Variants in FIGNL2 observed in about 807,000 individuals in gnomAD.
FIGNL2 encodes fidgetin like 2.
For synonymous variants in FIGNL2, 565 were observed against 484.0 expected (o/e 1.17, Z -2.20); for missense variants, 1,060 against 950.2 (o/e 1.12, Z -1.52).
At chr12:51,838,449 G>C (rs898342370) in intron 1 of FIGNL2, among the ~76,000 whole-genome samples, 1 of 152,180 alleles carries the variant, frequency 6.6e-6, no homozygotes, top group Non-Finnish European at 1.5e-5. Flanking sequence ...GGTGTCTGAA[G>C]GGCAACCTGA....
intron 1 of FIGNL2, among the ~76,000 whole-genome samples, chr12:51,843,235 A>G (rs771533426): frequency 6.6e-6 from 1 of 152,190 alleles, no homozygotes; most frequent in Non-Finnish European, 1.5e-5. Context: ...TAGGTGCTCA[A>G]CACAGGTTTG....
chr12:51,829,748 C>T (rs1430657491), intron 1 of FIGNL2, among the ~76,000 whole-genome samples: 2 of 149,146 alleles, frequency 1.3e-5, no homozygotes, highest in African/African-American at 5.0e-5. Flanking sequence ...AAAGTGTTTC[C>T]TCAGAAAGGA....
chr12:51,821,040 G>T lies in FIGNL2; in HGVS notation c.1374C>A (p.Gly458=). The T allele has an allele frequency of 8.4e-7, 1 of 1,190,136 alleles. No homozygotes were observed. Among genetic ancestry groups the T allele is most frequent in the Non-Finnish European group, 1.0e-6 (1 of 963,150 alleles). 73.7% of individuals were successfully genotyped at this position (1,190,136 alleles called of 1,614,324 possible). A position where few individuals can be genotyped will look rare whatever the true frequency, so the allele number is the denominator to read the frequency against. ...QLGATLLRLR[G]ATLAAPGAAE... is the part of the protein sequence containing the mutation. ...CGGCGCCGGGCGCAGCCAGGGTCGC[G>T]CCGCGCAGGCGCAACAGCGTGGCGC... Residue 458 remains glycine, a synonymous_variant, in exon 2 of 2, where the codon GGC becomes GGA. Transcript: ENST00000618634.
chr12:51,827,073 C>T (rs538188820), intron 1 of FIGNL2, among the ~76,000 whole-genome samples: 45 of 152,366 alleles, frequency 3.0e-4, no homozygotes, highest in African/African-American at 9.9e-4. Flanking sequence ...AAAATGCTGT[C>T]TCCCTGCCCC....
At chr12:51,847,812 T>C (rs1939784707) in intron 1 of FIGNL2, 1 of 985,120 alleles carries the variant, frequency 1.0e-6, no homozygotes, top group South Asian at 4.7e-5. Context: ...AGGAGAGGGC[T>C]CTTGCGGTGG....
chr12:51,848,507 C>A lies in FIGNL2; in HGVS notation c.-12+33G>T, dbSNP rs374507545. The stretch of plus-strand genomic sequence containing the variant: ...ACCCTGACCGAACGGTCACCTCCCC[C>A]CGCCCCATCCCGGCCCGCCCGCGGC... On this transcript the variant is annotated intron_variant, in intron 1 of 1. Transcript: ENST00000618634. 194 of 983,944 alleles carry A rather than the reference C, an allele frequency of 2.0e-4. No homozygotes were observed. The East Asian group carries it at 0.016, about 83-fold the overall frequency. The allele number at this position is 983,944 out of a possible 1,614,324, so 61.0% of individuals were successfully genotyped here.
intron 1 of FIGNL2, among the ~76,000 whole-genome samples, chr12:51,824,769 C>T (rs1592186858): frequency 6.6e-6 from 1 of 152,238 alleles, no homozygotes; most frequent in Non-Finnish European, 1.5e-5. Context: ...ATTGGCCAGG[C>T]TCAGTGGCTC....
chr12:51,847,783 G>A, intron 1 of FIGNL2: 2 of 985,380 alleles, frequency 2.0e-6, no homozygotes, highest in Non-Finnish European at 2.4e-6. Context: ...TTGCTAGCAT[G>A]CGAATCTCTG....
intron 1 of FIGNL2, among the ~76,000 whole-genome samples, chr12:51,834,090 C>CAGACGGATGGGTGGATGGTTGGATGGAT: frequency 7.5e-6 from 1 of 132,688 alleles, no homozygotes; most frequent in Non-Finnish European, 1.6e-5. Flanking sequence ...GACAGACAGA[C>CAGACGGATGGGTGGATGGTTGGATGGAT]GGATGGGTGG....
chr12:51,829,622 A>G (rs1939412246), intron 1 of FIGNL2, among the ~76,000 whole-genome samples: 1 of 152,142 alleles, frequency 6.6e-6, no homozygotes, highest in African/African-American at 2.4e-5. Flanking sequence ...TCCTTCCATG[A>G]TACCTTGAGT....
rs2138973176 is a variant in FIGNL2 at position 51,822,251 on chromosome 12, T to G, written c.163A>C (p.Thr55Pro). 1 of 1,611,262 alleles carries G rather than the reference T, an allele frequency of 6.2e-7. No homozygotes were observed. The highest frequency in any genetic ancestry group is 2.2e-5 in the East Asian group (1 of 44,786). ...TAGCGCTTTAGGAGGTTGGAGGCAG[T>G]GAGGGCTGAGATGTCGTCGTGTGCC... Reference protein sequence around the residue: ...AWAHDDISALTASNLLKRYAE... With the variant: ...AWAHDDISALPASNLLKRYAE... Residue 55 changes from threonine (T) to proline (P), a missense_variant, in exon 2 of 2, where the codon ACT becomes CCT. By Grantham distance (38) the Thr-to-Pro change is conservative. Coordinates refer to ENST00000618634, the MANE Select transcript of FIGNL2 (RefSeq NM_001384995.1).
In FIGNL2 at chr12:51,821,852, G is replaced by T. The variant is rs1592184814; in HGVS notation, c.562C>A (p.Leu188Met). 2.3e-6 allele frequency: 3 copies of T among 1,293,648 alleles called. No individual in the cohort carries two copies. The highest frequency in any genetic ancestry group is 2.9e-6 in the Non-Finnish European group (3 of 1,023,970). The allele number at this position is 1,293,648 out of a possible 1,614,324, so 80.1% of individuals were successfully genotyped here. The change falls in exon 2 of 2, where the codon CTG becomes ATG. Residue 188 changes from leucine (L) to methionine (M), a missense_variant. Coordinates refer to ENST00000618634, the MANE Select transcript of FIGNL2 (RefSeq NM_001384995.1). Reference sequence around the variant, plus strand: ...TACCCCGGAGGCGGTGGGGGCTGCAGGAGCGCGGCCGGGGGCGGCGGGGGC... The same window carrying T: ...TACCCCGGAGGCGGTGGGGGCTGCATGAGCGCGGCCGGGGGCGGCGGGGGC... ...ALPPPPPAAL[L>M]QPPPPPGYGP...
At chr12:51,831,282 T>C (rs1939460611) in intron 1 of FIGNL2, among the ~76,000 whole-genome samples, 1 of 152,020 alleles carries the variant, frequency 6.6e-6, no homozygotes, top group South Asian at 2.1e-4. Flanking sequence ...GAGTCAGGAA[T>C]TCATTTTGCA....
chr12:51,848,605 G>C lies in FIGNL2; in HGVS notation c.-77C>G. On this transcript the variant is annotated 5_prime_UTR_variant, in exon 1 of 2. Coordinates refer to ENST00000618634, the MANE Select transcript of FIGNL2 (RefSeq NM_001384995.1). The stretch of plus-strand genomic sequence containing the variant: ...TGGGGGCGCGTCCGGCCCGGGGACC[G>C]GGGCGGCGGCGCGGGCCGGGGGCGA... 3.2e-6 allele frequency: 3 copies of C among 926,234 alleles called. No individual in the cohort carries two copies. Among genetic ancestry groups the C allele is most frequent in the Non-Finnish European group, 3.9e-6 (3 of 776,408 alleles). The allele number at this position is 926,234 out of a possible 1,614,324, so 57.4% of individuals were successfully genotyped here. A position where few individuals can be genotyped will look rare whatever the true frequency, so the allele number is the denominator to read the frequency against.
rs768141734 is a variant in FIGNL2, at chr12:51,822,018, G to T, written c.396C>A (p.Ser132=). 1 of 1,600,622 alleles carries T rather than the reference G, an allele frequency of 6.2e-7. No homozygotes were observed. The highest frequency in any genetic ancestry group is 1.1e-5 in the South Asian group (1 of 88,928). Residue 132 remains serine (S), a synonymous_variant, in exon 2 of 2, where the codon TCC becomes TCA. Transcript: ENST00000618634. ...CAGGGAGGTTCCCGGCTAAAACTGG[G>T]GAGCCCCCCAGGGCCCCGGAACCGC... is the stretch of plus-strand genomic sequence containing the variant. ...GGGGSGALGG[S]PVLAGNLPEP...
intron 1 of FIGNL2, among the ~76,000 whole-genome samples, chr12:51,839,917 G>A (rs1939633639): frequency 6.6e-6 from 1 of 152,184 alleles, no homozygotes; most frequent in Non-Finnish European, 1.5e-5. Context: ...ACACACAGTG[G>A]TAGAAAGAGC....
Position 51,821,604 on chromosome 12 carries a change from G to T in FIGNL2, c.810C>A (p.Ala270=). The change falls in exon 2 of 2, where the codon GCC becomes GCA. Residue 270 remains alanine (A), a synonymous_variant. Coordinates refer to ENST00000618634, the MANE Select transcript of FIGNL2 (RefSeq NM_001384995.1). ...GGTAGCGGCCCTCGGGCCCCTCGTC[G>T]GCGGCCTTGCGCTTCAGCGACAGCC... ...ESGLSLKRKA[A]DEGPEGRYRK... 1 of 1,505,640 alleles carries T rather than the reference G, an allele frequency of 6.6e-7. No individual in the cohort carries two copies. The highest frequency in any genetic ancestry group is 1.2e-5 in the South Asian group (1 of 81,526). 93.3% of individuals were successfully genotyped at this position (1,505,640 alleles called of 1,614,324 possible).
chr12:51,833,990 T>C (rs993326463), intron 1 of FIGNL2, among the ~76,000 whole-genome samples: 1 of 60,170 alleles, frequency 1.7e-5, no homozygotes, highest in African/African-American at 3.7e-5. Flanking sequence ...AATGGACGGA[T>C]GGATGGATGA....
chr12:51,824,092 C>G (rs12367439), intron 1 of FIGNL2: 1 of 152,062 alleles, frequency 6.6e-6, no homozygotes, highest in Non-Finnish European at 1.5e-5. Context: ...GCTCACGTAC[C>G]GTATTCCCTT....
Sources: gnomAD v4.1 joint callset for allele counts (sites outside exome capture counted in the v4.1 genomes callset) on GRCh38, gnomAD v4.1.1 for gene constraint, MANE v1.5 for transcripts, NCBI Gene and HGNC (gene_info 2026-07-23, HGNC 2026-07-21) for gene names.